Variants in DNM3 observed in about 807,000 individuals in gnomAD.
DNM3 encodes the protein dynamin-3.
A neutral mutation model predicts 101.6 loss-of-function variants in DNM3; 47 were observed. That is an observed-to-expected ratio of 0.46 (90% confidence interval 0.37 to 0.59). The LOEUF is 0.59. Among genes scored for constraint, DNM3 ranks in the 20% least tolerant of loss-of-function variants. The pLI is 0.00. For synonymous variants in DNM3, 385 were observed against 387.9 expected (o/e 0.99, Z 0.09); for missense variants, 849 against 1,085.7 (o/e 0.78, Z 3.06).
chr1:171,966,142 A>G (rs1490896415), intron 2 of DNM3, among the ~76,000 whole-genome samples: 1 of 152,176 alleles, frequency 6.6e-6, no homozygotes, highest in Admixed American at 6.5e-5. Flanking sequence ...GCCCTCCCAA[A>G]CAACACTTAA....
At chr1:172,333,977 C>T (rs2066307134) in intron 17 of DNM3, among the ~76,000 whole-genome samples, 3 of 152,068 alleles carry the variant, frequency 2.0e-5, no homozygotes, top group Admixed American at 6.6e-5. Flanking sequence ...ATCACAAGGG[C>T]TTTAAAGAGA....
intron 2 of DNM3, among the ~76,000 whole-genome samples, chr1:171,986,299 C>T (rs1231210663): frequency 6.6e-6 from 1 of 152,030 alleles, no homozygotes; most frequent in African/African-American, 2.4e-5. Context: ...TTACATTATG[C>T]TACCTGCATT....
intron 2 of DNM3, among the ~76,000 whole-genome samples, chr1:171,928,842 A>G (rs1053602061): frequency 6.6e-6 from 1 of 152,092 alleles, no homozygotes; most frequent in African/African-American, 2.4e-5. Flanking sequence ...GCTTTTTCAT[A>G]GAGCTCTTGT....
intron 2 of DNM3, among the ~76,000 whole-genome samples, chr1:171,986,165 C>T (rs562697696): frequency 1.3e-5 from 2 of 152,264 alleles, no homozygotes; most frequent in Admixed American, 6.5e-5. Flanking sequence ...TCTCCCTGCA[C>T]ATGTAAAAAT....
intron 2 of DNM3, among the ~76,000 whole-genome samples, chr1:171,985,701 C>T (rs980537125): frequency 6.6e-6 from 1 of 152,210 alleles, no homozygotes; most frequent in Non-Finnish European, 1.5e-5. Flanking sequence ...CTCTGATTCT[C>T]ATTCTAACAT....
chr1:172,410,218 A>G lies in DNM3; in HGVS notation c.*2377A>G. On this transcript the variant is annotated 3_prime_UTR_variant, in exon 21 of 21. Coordinates refer to ENST00000627582, the MANE Select transcript of DNM3 (RefSeq NM_015569.5). ...GAATCTCATTTCCCAAAGGGTTTGTATTCTGCTAAAAGGAGATGCCAATGT... is the reference window on the plus strand; with the variant it reads ...GAATCTCATTTCCCAAAGGGTTTGTGTTCTGCTAAAAGGAGATGCCAATGT... 1.0e-6 allele frequency: 1 copy of G among 985,388 alleles called. No individual in the cohort carries two copies. The highest frequency in any genetic ancestry group is 1.2e-6 in the Non-Finnish European group (1 of 829,878). The allele number at this position is 985,388 out of a possible 1,614,324, so 61.0% of individuals were successfully genotyped here.
intron 16 of DNM3, among the ~76,000 whole-genome samples, chr1:172,320,428 C>T (rs1393507509): frequency 6.7e-6 from 1 of 149,298 alleles, no homozygotes. Flanking sequence ...GGCACATATA[C>T]ACCATGGAAT....
chr1:172,195,352 A>T (rs763527180), intron 14 of DNM3, among the ~76,000 whole-genome samples: 16 of 151,876 alleles, frequency 1.1e-4, no homozygotes, highest in Non-Finnish European at 2.2e-4. Context: ...CTACATACAC[A>T]ATTATGGCAC....
intron 1 of DNM3, among the ~76,000 whole-genome samples, chr1:171,845,361 C>T (rs2031905157): frequency 6.6e-6 from 1 of 152,178 alleles, no homozygotes; most frequent in Non-Finnish European, 1.5e-5. Context: ...CCAGTCTGGG[C>T]AACGTAGTGA....
At chr1:172,416,245 C>T (rs1182760332), downstream of DNM3, among the ~76,000 whole-genome samples, 1 of 152,140 alleles carries the variant, frequency 6.6e-6, no homozygotes, top group Non-Finnish European at 1.5e-5. Context: ...CTTTGTAGCT[C>T]TACATGTAAA....
At chr1:172,123,726 G>A (rs970183051) in intron 13 of DNM3, among the ~76,000 whole-genome samples, 2 of 152,168 alleles carry the variant, frequency 1.3e-5, no homozygotes, top group African/African-American at 4.8e-5. Context: ...CTCCTGGGGA[G>A]GACTGAGTGA....
intron 4 of DNM3, among the ~76,000 whole-genome samples, chr1:171,998,912 G>T (rs1558397925): frequency 6.6e-6 from 1 of 152,064 alleles, no homozygotes; most frequent in Non-Finnish European, 1.5e-5. Flanking sequence ...CAGCAAGGAG[G>T]ATGTTGAGGC....
chr1:172,190,819 G>C (rs193249198), intron 14 of DNM3, among the ~76,000 whole-genome samples: 104 of 152,272 alleles, frequency 6.8e-4, no homozygotes, highest in African/African-American at 2.4e-3. Context: ...GTCTTCTTTT[G>C]AGAAGTGTCT....
intron 11 of DNM3, among the ~76,000 whole-genome samples, chr1:172,080,578 C>T (rs570589547): frequency 1.4e-4 from 22 of 152,270 alleles, no homozygotes; most frequent in Middle Eastern, 6.8e-3. Context: ...GGGTGGGATC[C>T]GCTGACCTAG....
chr1:172,270,532 A>G (rs1051042191), intron 15 of DNM3, among the ~76,000 whole-genome samples: 12 of 152,176 alleles, frequency 7.9e-5, no homozygotes, highest in Non-Finnish European at 1.8e-4. Context: ...GAAGGTTTGA[A>G]TTATATTCCT....
intron 14 of DNM3, among the ~76,000 whole-genome samples, chr1:172,173,354 TAGA>T (rs2059033925): frequency 6.6e-6 from 1 of 151,662 alleles, no homozygotes; most frequent in African/African-American, 2.4e-5. Context: ...ATAGGGAATC[TAGA>T]AGAAGATGCA....
intron 2 of DNM3, among the ~76,000 whole-genome samples, chr1:171,977,007 G>T (rs978658117): frequency 1.3e-5 from 2 of 151,848 alleles, no homozygotes; most frequent in Non-Finnish European, 2.9e-5. Context: ...TCATCATTTT[G>T]CTTTTAATTA....
At chr1:172,120,968 TG>T (rs759775328) in intron 13 of DNM3, among the ~76,000 whole-genome samples, 3 of 152,194 alleles carry the variant, frequency 2.0e-5, no homozygotes, top group Non-Finnish European at 4.4e-5. Context: ...TTTACTAAGG[TG>T]TTTTTTTTCT....
chr1:172,081,331 C>T (rs1312127024), intron 11 of DNM3, among the ~76,000 whole-genome samples: 1 of 151,998 alleles, frequency 6.6e-6, no homozygotes, highest in African/African-American at 2.4e-5. Flanking sequence ...CAAATGCTTT[C>T]CTGAAATGTG....
Sources: gnomAD v4.1 joint callset for allele counts (sites outside exome capture counted in the v4.1 genomes callset) on GRCh38, gnomAD v4.1.1 for gene constraint, MANE v1.5 for transcripts, NCBI Gene and HGNC (gene_info 2026-07-23, HGNC 2026-07-21) for gene names.